The following TMEM132D variants were observed in gnomAD, a reference collection of about 807,000 sequenced individuals.
The protein encoded by TMEM132D is mature OL transmembrane protein.
Under a neutral mutation model 62.3 loss-of-function variants are expected in TMEM132D, and 21 were observed. The observed-to-expected ratio is 0.34, with a 90% confidence interval of 0.24 to 0.49. The LOEUF (loss-of-function observed/expected upper bound fraction) is 0.49, where lower values mean the gene tolerates loss of function less well. Ranked by LOEUF, TMEM132D falls within the 20% of genes least tolerant of loss-of-function variation. The pLI, the probability that TMEM132D is intolerant of heterozygous loss-of-function variation, is 0.99. For missense variants in TMEM132D, 1,346 were observed against 1,402.8 expected, an observed-to-expected ratio of 0.96 and a Z score of 0.65; for synonymous variants, 621 against 575.6, an observed-to-expected ratio of 1.08 and a Z score of -1.13.
intron 3 of TMEM132D, among the ~76,000 whole-genome samples, chr12:129,442,463 G>C (rs1402971205): frequency 6.6e-6 from 1 of 152,168 alleles, no homozygotes; most frequent in Non-Finnish European, 1.5e-5. Flanking sequence ...TCACTCAAGA[G>C]TCCCGACCTC....
intron 3 of TMEM132D, among the ~76,000 whole-genome samples, chr12:129,366,527 C>T (rs904971003): frequency 6.6e-6 from 1 of 152,222 alleles, no homozygotes; most frequent in Non-Finnish European, 1.5e-5. Flanking sequence ...GCTTCCTGCA[C>T]AGCCTGCAGA....
intron 1 of TMEM132D, among the ~76,000 whole-genome samples, chr12:129,902,077 A>G (rs1875376903): frequency 6.6e-6 from 1 of 152,200 alleles, no homozygotes; most frequent in Non-Finnish European, 1.5e-5. Flanking sequence ...AAAGACAGGG[A>G]AGGAGGGGGA....
At chr12:129,602,766 C>A (rs957982446) in intron 2 of TMEM132D, among the ~76,000 whole-genome samples, 3 of 152,090 alleles carry the variant, frequency 2.0e-5, no homozygotes, top group Non-Finnish European at 4.4e-5. Flanking sequence ...TGTATTAGTC[C>A]ATTCTCGCCT....
chr12:129,580,015 A>G (rs1430781663), intron 2 of TMEM132D, among the ~76,000 whole-genome samples: 3 of 152,220 alleles, frequency 2.0e-5, no homozygotes, highest in Non-Finnish European at 4.4e-5. Flanking sequence ...AAGACGCATC[A>G]TCACATTGAC....
intron 3 of TMEM132D, among the ~76,000 whole-genome samples, chr12:129,439,198 A>T (rs1463875854): frequency 3.3e-5 from 5 of 152,222 alleles, no homozygotes; most frequent in Non-Finnish European, 7.3e-5. Context: ...GTTTCTGTCT[A>T]AACTAAATGC....
chr12:129,299,660 G>A (rs577325204), intron 4 of TMEM132D, among the ~76,000 whole-genome samples: 1 of 141,878 alleles, frequency 7.0e-6, no homozygotes, highest in Non-Finnish European at 1.5e-5. Flanking sequence ...CTTGGAACAT[G>A]TAGAGACTAT....
intron 4 of TMEM132D, among the ~76,000 whole-genome samples, chr12:129,229,431 C>G (rs1346208522): frequency 6.6e-6 from 1 of 152,170 alleles, no homozygotes; most frequent in Non-Finnish European, 1.5e-5. Context: ...TAATTTATGT[C>G]TGTTGATAGA....
intron 2 of TMEM132D, among the ~76,000 whole-genome samples, chr12:129,540,150 G>A (rs1270479107): frequency 4.6e-5 from 7 of 152,034 alleles, no homozygotes; most frequent in Non-Finnish European, 7.4e-5. Context: ...TCTGCACATC[G>A]TCTTTAGTCT....
intron 2 of TMEM132D, among the ~76,000 whole-genome samples, chr12:129,680,054 T>C (rs1880739869): frequency 6.6e-6 from 1 of 152,258 alleles, no homozygotes; most frequent in South Asian, 2.1e-4. Flanking sequence ...TATACTGTTT[T>C]ACTGTTTGGT....
At position 129,129,779 on chromosome 12, in the gene TMEM132D, C is replaced by T. The variant is rs539982018; in HGVS notation, c.1444-45077G>A. ...TCTTTTCATGTTCTTGTTGGCCGCT[C>T]GTATGTCTTCTGCTGAGAAGTGCCT... On this transcript the variant is annotated intron_variant, in intron 5 of 8. Coordinates refer to ENST00000422113, the MANE Select transcript of TMEM132D (RefSeq NM_133448.3). Among the ~76,000 whole-genome samples, 7 of 152,144 alleles carry T rather than the reference C, an allele frequency of 4.6e-5. No individual in the cohort carries two copies. The South Asian group carries it at 8.3e-4, about 18-fold the overall frequency.
chr12:129,196,726 G>T (rs531435227), intron 5 of TMEM132D, among the ~76,000 whole-genome samples: 27 of 152,228 alleles, frequency 1.8e-4, no homozygotes, highest in Admixed American at 1.8e-3. Context: ...TCTCCAGGAG[G>T]TATAATCTCT....
chr12:129,296,174 C>T (rs1881571201), intron 4 of TMEM132D, among the ~76,000 whole-genome samples: 1 of 152,092 alleles, frequency 6.6e-6, no homozygotes, highest in Non-Finnish European at 1.5e-5. Context: ...AACCCTGACT[C>T]AGGCAACTGT....
intron 4 of TMEM132D, among the ~76,000 whole-genome samples, chr12:129,226,035 C>T (rs1031431506): frequency 6.6e-6 from 1 of 152,126 alleles, no homozygotes; most frequent in African/African-American, 2.4e-5. Context: ...CGGGAAGTTT[C>T]GAGCCGTAGA....
At chr12:129,745,106 G>T (rs1869734125) in intron 1 of TMEM132D, among the ~76,000 whole-genome samples, 1 of 152,150 alleles carries the variant, frequency 6.6e-6, no homozygotes, top group Non-Finnish European at 1.5e-5. Flanking sequence ...ATGATGGTAA[G>T]TTTCCTGAGG....
chr12:129,581,233 G>A (rs1053345996), intron 2 of TMEM132D, among the ~76,000 whole-genome samples: 1 of 152,152 alleles, frequency 6.6e-6, no homozygotes, highest in African/African-American at 2.4e-5. Flanking sequence ...ATGAGTGAAA[G>A]CCACCTGAAG....
intron 4 of TMEM132D, among the ~76,000 whole-genome samples, chr12:129,295,768 T>A (rs1881559248): frequency 6.6e-6 from 1 of 152,196 alleles, no homozygotes; most frequent in African/African-American, 2.4e-5. Flanking sequence ...CATATAACCT[T>A]TGTACATCTG....
chr12:129,744,746 A>G (rs1462521029), intron 1 of TMEM132D, among the ~76,000 whole-genome samples: 2 of 152,180 alleles, frequency 1.3e-5, no homozygotes, highest in Non-Finnish European at 2.9e-5. Flanking sequence ...GCAAACGCAA[A>G]TGAGTAGAAA....
intron 5 of TMEM132D, among the ~76,000 whole-genome samples, chr12:129,098,095 C>T (rs925228736): frequency 6.6e-6 from 1 of 152,126 alleles, no homozygotes; most frequent in African/African-American, 2.4e-5. Context: ...TTTGTGAGGA[C>T]ACAACCCAGA....
chr12:129,363,966 C>A (rs564395583), intron 3 of TMEM132D, among the ~76,000 whole-genome samples: 2 of 152,320 alleles, frequency 1.3e-5, no homozygotes, highest in African/African-American at 4.8e-5. Context: ...TGTTTGTTAT[C>A]AGTTTCATGT....
Sources: allele counts gnomAD v4.1 joint callset (sites outside exome capture counted in the v4.1 genomes callset), GRCh38; gene constraint gnomAD v4.1.1; transcripts MANE v1.5; gene names NCBI Gene and HGNC (gene_info 2026-07-23, HGNC 2026-07-21).